The following CSMD1 variants were observed in gnomAD, a reference collection of about 807,000 sequenced individuals.
The protein encoded by CSMD1 is CUB and Sushi multiple domains 1.
In CSMD1, 213 loss-of-function variants were observed where a neutral mutation model predicts 417.5. The ratio of observed to expected loss-of-function variants is 0.51; its 90% CI spans 0.46 to 0.57. The LOEUF is 0.57. Ranked by LOEUF, CSMD1 falls within the 20% of genes least tolerant of loss-of-function variation. The pLI is 0.00. For missense variants in CSMD1, 6,923 were observed against 4,529.7 expected (o/e 1.53, Z -15.17); for synonymous variants, 2,862 against 1,736.8 (o/e 1.65, Z -16.11).
chr8:4,801,235 G>C (rs1345694173), intron 1 of CSMD1, among the ~76,000 whole-genome samples: 1 of 152,120 alleles, frequency 6.6e-6, no homozygotes, highest in Non-Finnish European at 1.5e-5. Flanking sequence ...GCCACCTTGA[G>C]GACTGATCTA....
intron 3 of CSMD1, among the ~76,000 whole-genome samples, chr8:4,279,319 C>A (rs138139724): frequency 6.6e-6 from 1 of 152,166 alleles, no homozygotes; most frequent in Non-Finnish European, 1.5e-5. Context: ...AAGAAACACA[C>A]AGTCACACAC....
At chr8:3,290,763 A>T (rs11136600) in intron 25 of CSMD1, among the ~76,000 whole-genome samples, 1 of 144,520 alleles carries the variant, frequency 6.9e-6, no homozygotes, top group African/African-American at 2.9e-5. Context: ...CAATCATGTC[A>T]TCTGCCAACA....
At chr8:4,482,434 C>A (rs1801150537) in intron 2 of CSMD1, among the ~76,000 whole-genome samples, 1 of 152,138 alleles carries the variant, frequency 6.6e-6, no homozygotes, top group South Asian at 2.1e-4. Flanking sequence ...CTTATTTGTT[C>A]TTATGGCTGC....
intron 5 of CSMD1, among the ~76,000 whole-genome samples, chr8:3,891,844 C>T (rs759846908): frequency 6.6e-6 from 1 of 152,020 alleles, no homozygotes. Flanking sequence ...AATGGTAATC[C>T]ATTAAAGCTT....
intron 1 of CSMD1, among the ~76,000 whole-genome samples, chr8:4,802,278 C>T (rs1047361007): frequency 3.3e-5 from 5 of 152,086 alleles, no homozygotes; most frequent in African/African-American, 1.2e-4. Flanking sequence ...TCAGCCAAGG[C>T]TTCGTGGTTT....
intron 10 of CSMD1, among the ~76,000 whole-genome samples, chr8:3,523,964 T>C (rs1372060093): frequency 1.2e-4 from 14 of 115,738 alleles, no homozygotes; most frequent in African/African-American, 3.7e-4. Flanking sequence ...CATGCACACT[T>C]ACACATGCAC....
At chr8:3,147,199 T>G (rs1818897476) in intron 40 of CSMD1, among the ~76,000 whole-genome samples, 1 of 152,200 alleles carries the variant, frequency 6.6e-6, no homozygotes, top group South Asian at 2.1e-4. Flanking sequence ...AAGAATGTTT[T>G]GCAAGAACGA....
chr8:3,581,216 CTT>C (rs1800369441), intron 9 of CSMD1, among the ~76,000 whole-genome samples: 2 of 152,182 alleles, frequency 1.3e-5, no homozygotes, highest in African/African-American at 4.8e-5. Flanking sequence ...CTTCTCTCCA[CTT>C]TGTTTGCTTA....
Position 3,230,115 on chromosome 8 carries a change from G to C in CSMD1, c.4270C>G (p.Gln1424Glu). The change falls in exon 27 of 70, where the codon CAA (glutamine) becomes GAA (glutamate). Residue 1424 changes from glutamine to glutamate, a missense_variant. Physicochemically the swap from Gln to Glu is conservative, Grantham distance 29. Transcript: ENST00000635120. ...ACACAGGTGATTTTGGCTTGTCCTTGGAGCTGATAGCCAGGGTCACACTGG... is the reference window on the plus strand; with the variant it reads ...ACACAGGTGATTTTGGCTTGTCCTTCGAGCTGATAGCCAGGGTCACACTGG... The part of the protein sequence containing the change: ...TFQCDPGYQL[Q>E]GQAKITCVQL... The C allele has an allele frequency of 6.2e-7, 1 of 1,613,750 alleles. No homozygotes were observed. Among genetic ancestry groups the C allele is most frequent in the South Asian group, 1.1e-5 (1 of 91,072 alleles).
At chr8:3,300,809 A>T in intron 25 of CSMD1, among the ~76,000 whole-genome samples, 1 of 127,828 alleles carries the variant, frequency 7.8e-6, no homozygotes, top group South Asian at 2.3e-4. Flanking sequence ...TACAAAAAAA[A>T]TTAGCTGGGT....
intron 26 of CSMD1, among the ~76,000 whole-genome samples, chr8:3,276,801 C>T (rs1038862917): frequency 6.6e-6 from 1 of 152,036 alleles, no homozygotes; most frequent in South Asian, 2.1e-4. Context: ...AACATTTATG[C>T]ACGTGGAAAA....
intron 5 of CSMD1, among the ~76,000 whole-genome samples, chr8:3,898,887 G>A (rs917364518): frequency 1.9e-4 from 29 of 152,086 alleles, no homozygotes; most frequent in African/African-American, 5.8e-4. Context: ...TCCCCTTAGG[G>A]GTTACAGTCA....
intron 2 of CSMD1, among the ~76,000 whole-genome samples, chr8:4,503,247 G>A (rs1802350499): frequency 6.6e-6 from 1 of 152,050 alleles, no homozygotes; most frequent in Admixed American, 6.6e-5. Flanking sequence ...TATGATCATT[G>A]CACTTTGCCA....
chr8:4,390,413 C>A (rs187621378), intron 3 of CSMD1, among the ~76,000 whole-genome samples: 1 of 151,790 alleles, frequency 6.6e-6, no homozygotes, highest in East Asian at 1.9e-4. Context: ...AATAAAACAT[C>A]GTATAGAGAT....
At chr8:4,268,094 A>G (rs1804334401) in intron 3 of CSMD1, among the ~76,000 whole-genome samples, 1 of 152,176 alleles carries the variant, frequency 6.6e-6, no homozygotes, top group South Asian at 2.1e-4. Context: ...AAACATTGTT[A>G]CAAAAAACCT....
intron 3 of CSMD1, among the ~76,000 whole-genome samples, chr8:4,063,907 A>C (rs1283578842): frequency 6.6e-6 from 1 of 152,208 alleles, no homozygotes; most frequent in Non-Finnish European, 1.5e-5. Context: ...GTGCACAATG[A>C]TGTAGGTGAT....
At chr8:4,674,825 A>G (rs189815331) in intron 1 of CSMD1, among the ~76,000 whole-genome samples, 30 of 151,950 alleles carry the variant, frequency 2.0e-4, no homozygotes, top group Admixed American at 1.4e-3. Flanking sequence ...TAAGCCCCCA[A>G]TGTGATATCT....
Position 3,042,538 on chromosome 8 carries a change from C to G in CSMD1, c.7660+9924G>C, listed in dbSNP as rs1397576098. ...TTACGGGAATCCCGTCGAAGCACAGCTGAAAGCGGGACGGGCACTTTACGC... is the reference window on the plus strand; with the variant it reads ...TTACGGGAATCCCGTCGAAGCACAGGTGAAAGCGGGACGGGCACTTTACGC... On this transcript the variant is annotated intron_variant, in intron 50 of 69. Coordinates refer to ENST00000635120, the MANE Select transcript of CSMD1 (RefSeq NM_033225.6). 2.0e-5 allele frequency among the ~76,000 whole-genome samples: 3 copies of G among 152,248 alleles called. No homozygotes were observed. In the East Asian group the frequency reaches 5.8e-4, roughly 29 times the overall value.
chr8:4,942,925 A>T (rs952920354), intron 1 of CSMD1, among the ~76,000 whole-genome samples: 3 of 152,224 alleles, frequency 2.0e-5, no homozygotes, highest in Non-Finnish European at 2.9e-5. Flanking sequence ...GGTTTGGATT[A>T]GGTTATAGAT....
Sources: allele counts gnomAD v4.1 joint callset (sites outside exome capture counted in the v4.1 genomes callset), GRCh38; gene constraint gnomAD v4.1.1; transcripts MANE v1.5; gene names NCBI Gene and HGNC (gene_info 2026-07-23, HGNC 2026-07-21).